Variants in VPS35L observed in about 807,000 individuals in gnomAD.
The protein encoded by VPS35L is VPS35 endosomal protein-sorting factor-like.
VPS35L carries 83 observed loss-of-function variants against 133.0 expected under a neutral mutation model. The observed-to-expected ratio is 0.62, with a 90% CI of 0.52 to 0.75. The LOEUF (loss-of-function observed/expected upper bound fraction) is 0.75, where lower values mean the gene tolerates loss of function less well. Ranked by LOEUF, VPS35L falls within the 30% of genes least tolerant of loss-of-function variation. VPS35L has a pLI of 0.00. For synonymous variants in VPS35L, 423 were observed against 449.9 expected (o/e 0.94, Z 0.76); for missense variants, 1,083 against 1,206.8 (o/e 0.90, Z 1.52).
intron 3 of VPS35L, among the ~76,000 whole-genome samples, chr16:19,570,869 A>AT (rs1971351148): frequency 1.4e-4 from 10 of 72,896 alleles, no homozygotes; most frequent in African/African-American, 8.5e-4. Flanking sequence ...ATATATATAT[A>AT]TATATATATA....
chr16:19,569,768 A>G (rs1339772469), intron 3 of VPS35L, among the ~76,000 whole-genome samples, 177 bp downstream of exon 3: 3 of 152,060 alleles, frequency 2.0e-5, no homozygotes, highest in African/African-American at 7.2e-5. Flanking sequence ...TCCGGGGCTC[A>G]AGCAATTCTC....
chr16:19,584,504 G>A (rs1438361406), intron 7 of VPS35L, among the ~76,000 whole-genome samples: 4 of 151,828 alleles, frequency 2.6e-5, no homozygotes, highest in African/African-American at 9.7e-5. Context: ...GCAGGTGCCT[G>A]TAATCTCAGC....
chr16:19,564,090 A>AT (rs954235845), intron 1 of VPS35L, among the ~76,000 whole-genome samples: 4 of 151,950 alleles, frequency 2.6e-5, no homozygotes, highest in African/African-American at 9.7e-5. Context: ...ATATATATAT[A>AT]TTTTTTGAGA....
chr16:19,619,331 A>G (rs1049035118), intron 14 of VPS35L, among the ~76,000 whole-genome samples: 9 of 152,148 alleles, frequency 5.9e-5, no homozygotes, highest in African/African-American at 1.9e-4. Context: ...GACATCTTGT[A>G]CTTCAGGTGA....
chr16:19,601,081 G>T (rs1972367648), intron 8 of VPS35L, among the ~76,000 whole-genome samples: 1 of 151,944 alleles, frequency 6.6e-6, no homozygotes, highest in Admixed American at 6.6e-5. Flanking sequence ...GGCGTGCACT[G>T]CCATGCCTGG....
chr16:19,633,309 G>C lies in VPS35L; in HGVS notation c.1635+137G>C. ...CATAGCTCTGCCATATCCTAGCCAT[G>C]TGCCCTTTGATCAGTTACTTAACCT... On this transcript the variant is annotated intron_variant, in intron 19 of 30. Coordinates refer to ENST00000417362, the MANE Select transcript of VPS35L (RefSeq NM_020314.7). This position sits in a 1 kb window ranked among gnomAD's most constrained non-coding sequence, Gnocchi z 4.1. The C allele has an allele frequency of 1.2e-6, 1 of 809,602 alleles. No individual in the cohort carries two copies. The highest frequency in any genetic ancestry group is 1.6e-5 in the South Asian group (1 of 63,956). 50.2% of individuals were successfully genotyped at this position (809,602 alleles called of 1,614,324 possible).
At chr16:19,566,105 C>G (rs1485251666) in intron 2 of VPS35L, among the ~76,000 whole-genome samples, 1 of 152,118 alleles carries the variant, frequency 6.6e-6, no homozygotes, top group Non-Finnish European at 1.5e-5. Context: ...ATTTAGCCTC[C>G]CAGGACCCCT....
chr16:19,649,016 T>G (rs1290392987), intron 24 of VPS35L, among the ~76,000 whole-genome samples: 3 of 152,134 alleles, frequency 2.0e-5, no homozygotes, highest in Non-Finnish European at 4.4e-5. Context: ...GAGCTGGAGT[T>G]CTTGCTTTGT....
At chr16:19,662,505 A>G (rs1469745561) in intron 26 of VPS35L, among the ~76,000 whole-genome samples, 2 of 152,206 alleles carry the variant, frequency 1.3e-5, no homozygotes, top group African/African-American at 2.4e-5. Context: ...CAAAGTTCGC[A>G]TTTATTTAGT....
chr16:19,689,314 A>T (rs1686890008), intron 28 of VPS35L, among the ~76,000 whole-genome samples: 1 of 149,244 alleles, frequency 6.7e-6, no homozygotes, highest in African/African-American at 2.5e-5. Flanking sequence ...TCAGTCACCC[A>T]GGCTGGAGTG....
rs73539594 is a variant in VPS35L at position 19,684,883 on chromosome 16, C to A, written c.2527+2493C>A. Among the ~76,000 whole-genome samples the A allele has an allele frequency of 9.1e-3, 1,386 of 152,078 alleles. 15 individuals are homozygous for A. Among genetic ancestry groups the A allele is most frequent in the African/African-American group, 0.032 (1,306 of 41,458 alleles). Reference sequence around the variant, plus strand: ...GCTAGCCTGACCAACATGGCGAAACCTCATGTATACTAAAAATACAAAAAA... The same window carrying A: ...GCTAGCCTGACCAACATGGCGAAACATCATGTATACTAAAAATACAAAAAA... On this transcript the variant is annotated intron_variant, in intron 28 of 30. Transcript: ENST00000417362.
chr16:19,621,195 G>A (rs1021911562), intron 14 of VPS35L, among the ~76,000 whole-genome samples: 8 of 152,204 alleles, frequency 5.3e-5, no homozygotes, highest in African/African-American at 1.9e-4. Flanking sequence ...GTATCCCATT[G>A]TGTAAAAACA....
At chr16:19,579,315 G>C (rs926615198) in intron 6 of VPS35L, 187 bp downstream of exon 6, 6 of 552,376 alleles carry the variant, frequency 1.1e-5, no homozygotes, top group Non-Finnish European at 1.9e-5. Flanking sequence ...ACGGAAGCCT[G>C]ACTGGGGCTG....
intron 29 of VPS35L, among the ~76,000 whole-genome samples, chr16:19,696,489 T>C (rs1477376894): frequency 6.6e-6 from 1 of 152,164 alleles, no homozygotes; most frequent in Non-Finnish European, 1.5e-5. Flanking sequence ...TGAAGTTGTT[T>C]GTTTGGGTGT....
intron 8 of VPS35L, among the ~76,000 whole-genome samples, chr16:19,598,990 T>A (rs1181749328): frequency 6.6e-6 from 1 of 152,140 alleles, no homozygotes; most frequent in East Asian, 1.9e-4. Flanking sequence ...CATGCATCCC[T>A]AATGCCAGGG....
chr16:19,657,820 C>T (rs890618872), intron 26 of VPS35L, among the ~76,000 whole-genome samples: 1 of 152,144 alleles, frequency 6.6e-6, no homozygotes, highest in Non-Finnish European at 1.5e-5. Context: ...CAGGTCTTGG[C>T]GATTTATGTT....
At chr16:19,690,686 C>T (rs1377421890) in intron 28 of VPS35L, among the ~76,000 whole-genome samples, 2 of 152,164 alleles carry the variant, frequency 1.3e-5, no homozygotes, top group African/African-American at 2.4e-5. Context: ...GCTGGTGGCT[C>T]ACACCTGTAA....
At chr16:19,576,633 G>A (rs1489317484) in intron 5 of VPS35L, among the ~76,000 whole-genome samples, 4 of 152,118 alleles carry the variant, frequency 2.6e-5, no homozygotes, top group African/African-American at 9.7e-5. Flanking sequence ...ATAGTTCATT[G>A]CAGGTCTCTG....
rs1478612760 is a variant in VPS35L at position 19,660,461 on chromosome 16, C to T, written c.2221+8371C>T. ...ATTGATGGATTGATGGATTGAAGATCTAGGAGTGAAATGAATTAACTTTGA... is the reference window on the plus strand; with the variant it reads ...ATTGATGGATTGATGGATTGAAGATTTAGGAGTGAAATGAATTAACTTTGA... On this transcript the variant is annotated intron_variant, in intron 26 of 30. Transcript: ENST00000417362. 4.6e-5 allele frequency among the ~76,000 whole-genome samples: 7 copies of T among 152,192 alleles called. No homozygotes were observed. In the East Asian group the frequency reaches 1.2e-3, roughly 25 times the overall value.
Sources: allele counts gnomAD v4.1 joint callset (sites outside exome capture counted in the v4.1 genomes callset), GRCh38; gene constraint gnomAD v4.1.1; non-coding constraint Gnocchi (gnomAD v3.1); transcripts MANE v1.5; gene names NCBI Gene and HGNC (gene_info 2026-07-23, HGNC 2026-07-21).